HDC: variants seen among roughly 807,000 people sequenced by gnomAD.
HDC encodes histidine decarboxylase.
In HDC, 27 loss-of-function variants were observed where a neutral mutation model predicts 64.4. That is an observed-to-expected ratio of 0.42 (90% CI 0.31 to 0.58). The LOEUF (loss-of-function observed/expected upper bound fraction) is 0.58. HDC is among the 20% of genes least tolerant of loss of function. The probability of loss-of-function intolerance (pLI) is 0.16; values close to 1 mark genes in which losing one functional copy is unlikely to be tolerated. For synonymous variants in HDC, 305 were observed against 314.2 expected (o/e 0.97, Z 0.31); for missense variants, 711 against 833.9 (o/e 0.85, Z 1.81).
chr15:50,242,954 C>A lies in HDC; in HGVS notation c.1295G>T (p.Arg432Leu), dbSNP rs201154324. Residue 432 changes from arginine (R) to leucine (L), a missense_variant, in exon 12 of 12, where the codon CGT becomes CTT. Physicochemically the swap from Arg to Leu is moderately radical, Grantham distance 102. Transcript: ENST00000267845. The part of the protein sequence containing the change: ...NVLKEIAKAG[R>L]LFLIPATIQD... ...GATAGTGGCCGGGATGAGGAAGAGA[C>A]GGCCAGCTTTAGCTATTTCCTTTAA... 6.2e-7 allele frequency: 1 copy of A among 1,613,962 alleles called. No homozygotes were observed. The highest frequency in any genetic ancestry group is 1.3e-5 in the African/African-American group (1 of 75,014).
Position 50,253,450 on chromosome 15 carries a change from CCCTCATGA to C in HDC, c.787+142_787+149del, listed in dbSNP as rs1319825678. ...AATGTCCAGGGATCCCTGGAAGAGA[CCCTCATGA>C]CCTTTGGTGGTTCTTCCCATGTCTC... On this transcript the variant is annotated intron_variant, in intron 7 of 11. Coordinates refer to ENST00000267845, the MANE Select transcript of HDC (RefSeq NM_002112.4). 9.2e-6 allele frequency: 7 copies of C among 764,486 alleles called. No homozygotes were observed. The African/African-American group carries it at 1.2e-4, about 13-fold the overall frequency. 47.4% of individuals were successfully genotyped at this position (764,486 alleles called of 1,614,324 possible). A position where few individuals can be genotyped will look rare whatever the true frequency, so the allele number is the denominator to read the frequency against.
intron 2 of HDC, 68 bp from the exon 3 acceptor site, chr15:50,258,585 C>A (rs184862158): frequency 1.7e-4 from 153 of 882,224 alleles, no homozygotes; most frequent in South Asian, 3.2e-4. Flanking sequence ...TCTCCAGAGA[C>A]CATCTCTGGC....
intron 10 of HDC, among the ~76,000 whole-genome samples, chr15:50,245,958 C>T (rs2045476449): frequency 6.6e-6 from 1 of 152,186 alleles, no homozygotes; most frequent in African/African-American, 2.4e-5. Flanking sequence ...TGTCTAAGGT[C>T]ATCAAACAGT....
chr15:50,247,023 C>T (rs146725802), intron 10 of HDC, among the ~76,000 whole-genome samples: 3 of 152,174 alleles, frequency 2.0e-5, no homozygotes, highest in East Asian at 1.9e-4. Context: ...CTCACTCAAA[C>T]GTGGGAGTTA....
intron 2 of HDC, among the ~76,000 whole-genome samples, chr15:50,259,767 A>G (rs1267035053): frequency 2.6e-5 from 4 of 152,118 alleles, no homozygotes; most frequent in Non-Finnish European, 5.9e-5. Flanking sequence ...GTTTCACTCT[A>G]CTGAGGACTC....
Position 50,242,260 on chromosome 15 carries a change from C to A in HDC, c.1989G>T (p.Ter663TyrextTer40), listed in dbSNP as rs1218350666. 1 of 1,613,456 alleles carries A rather than the reference C, an allele frequency of 6.2e-7. No homozygotes were observed. Among genetic ancestry groups the A allele is most frequent in the Admixed American group, 1.7e-5 (1 of 60,024 alleles). Residue 663 changes from the stop codon to tyrosine, a stop_lost, in exon 12 of 12, where the codon TAG becomes TAT. Coordinates refer to ENST00000267845, the MANE Select transcript of HDC (RefSeq NM_002112.4). ...LPCCPLQAMV[*>Y] is the part of the protein sequence containing the mutation. Reference sequence around the variant, plus strand: ...CAGACTCTGGCTGAAGGCCCTGTGTCTAAACCATGGCCTGCAGAGGGCAAC... The same window carrying A: ...CAGACTCTGGCTGAAGGCCCTGTGTATAAACCATGGCCTGCAGAGGGCAAC...
intron 1 of HDC, among the ~76,000 whole-genome samples, chr15:50,264,920 T>C (rs1166009899): frequency 6.6e-6 from 1 of 152,168 alleles, no homozygotes; most frequent in African/African-American, 2.4e-5. Context: ...AGAAGATAAA[T>C]ATCCACAGGA....
In HDC at chr15:50,252,458, G is replaced by T; in HGVS notation, c.1013C>A (p.Ala338Asp). 2 of 1,614,140 alleles carry T rather than the reference G, an allele frequency of 1.2e-6. No homozygotes were observed. The highest frequency in any genetic ancestry group is 1.7e-6 in the Non-Finnish European group (2 of 1,180,008). The change falls in exon 9 of 12, where the codon GCC (alanine) becomes GAC (aspartate). Residue 338 changes from alanine (A) to aspartate (D), a missense_variant. By Grantham distance (126) the Ala-to-Asp change is moderately radical (BLOSUM62 -2). Coordinates refer to ENST00000267845, the MANE Select transcript of HDC (RefSeq NM_002112.4). ...FSVNPIYLRH[A>D]NSGVATDFMH... ...GAAGTCGGTGGCCACGCCTGAGTTG[G>T]CATGCCTGAGGTAGATGGGATTCAC...
At position 50,242,506 on chromosome 15, in the gene HDC, C is replaced by T. The variant is rs16963485; in HGVS notation, c.1743G>A (p.Thr581=). The change falls in exon 12 of 12, where the codon ACG becomes ACA. Residue 581 remains threonine, a synonymous_variant. Coordinates refer to ENST00000267845, the MANE Select transcript of HDC (RefSeq NM_002112.4). ...CACTGTTGCAACTGAGGGAGCGCAC[C>T]GTCTTCTTCTTAGTCTGCACAGACA... The part of the protein sequence containing the change: ...SYLSVQTKKK[T]VRSLSCNSVP... 3.6e-3 allele frequency: 5,781 copies of T among 1,614,144 alleles called. 147 individuals carry two copies. In the East Asian group the frequency reaches 0.07, roughly 19 times the overall value.
At chr15:50,260,426 C>T (rs551585549) in intron 2 of HDC, among the ~76,000 whole-genome samples, 15 of 152,234 alleles carry the variant, frequency 9.9e-5, no homozygotes, top group African/African-American at 1.4e-4. Context: ...AGTTTCTCAT[C>T]GTAAAATAAA....
At chr15:50,244,285 CTTTTTTTTTTTTTT>C (rs554623599) in intron 10 of HDC, among the ~76,000 whole-genome samples, 1 of 105,176 alleles carries the variant, frequency 9.5e-6, no homozygotes, top group Non-Finnish European at 2.0e-5. Flanking sequence ...AGCTGAACCT[CTTTTTTTTTTTTTT>C]TTTTTTTTTT....
At chr15:50,253,558 A>G (rs2045586275) in intron 7 of HDC, 42 bp downstream of exon 7, 16 of 1,554,120 alleles carry the variant, frequency 1.0e-5, no homozygotes, top group Non-Finnish European at 1.4e-5. Context: ...ACATTTAAAA[A>G]TGTATTCCTT....
chr15:50,260,505 C>A (rs2045688967), intron 2 of HDC, among the ~76,000 whole-genome samples: 1 of 152,192 alleles, frequency 6.6e-6, no homozygotes, highest in Non-Finnish European at 1.5e-5. Flanking sequence ...TAAGCTCTAA[C>A]ATTAACGGTA....
chr15:50,258,187 G>T (rs1039178203), intron 3 of HDC, among the ~76,000 whole-genome samples: 1 of 152,074 alleles, frequency 6.6e-6, no homozygotes, highest in Non-Finnish European at 1.5e-5. Flanking sequence ...CTTAAGCCTC[G>T]ATTTCTTCAC....
chr15:50,242,213 C>T lies in HDC; in HGVS notation c.*47G>A. 1 of 1,508,676 alleles carries T rather than the reference C, an allele frequency of 6.6e-7. No individual in the cohort carries two copies. The highest frequency in any genetic ancestry group is 1.7e-5 in the Admixed American group (1 of 59,884). The allele number at this position is 1,508,676 out of a possible 1,614,324, so 93.5% of individuals were successfully genotyped here. A position where few individuals can be genotyped will look rare whatever the true frequency, so the allele number is the denominator to read the frequency against. On this transcript the variant is annotated 3_prime_UTR_variant, in exon 12 of 12. Coordinates refer to ENST00000267845, the MANE Select transcript of HDC (RefSeq NM_002112.4). ...TTGGCATACAATTGTGAGGGGTTCA[C>T]AGAGTCCCTGAAGTATATCCTCAGA...
In HDC at chr15:50,254,776, C is replaced by CTGTGTG. The variant is rs1555503913; in HGVS notation, c.442-118_442-113dup. 1,658 of 826,218 alleles carry CTGTGTG rather than the reference C, an allele frequency of 2.0e-3. 32 individuals carry two copies. The African/African-American group carries it at 0.028, about 14-fold the overall frequency. 51.2% of individuals were successfully genotyped at this position (826,218 alleles called of 1,614,324 possible). On this transcript the variant is annotated intron_variant, in intron 4 of 11. Transcript: ENST00000267845. ...TCTCTCTCTCTCTCTCTCTCTCTCT[C>CTGTGTG]TGTGTGTGTATGTGTTTGTGTATGT...
At position 50,248,383 on chromosome 15, in the gene HDC, G is replaced by A. The variant is rs771526101; in HGVS notation, c.1042-40C>T. On this transcript the variant is annotated intron_variant, in intron 9 of 11. Coordinates refer to ENST00000267845, the MANE Select transcript of HDC (RefSeq NM_002112.4). The surrounding 1 kb of genome is among the most constrained non-coding windows in gnomAD (Gnocchi z 4.3). ...ACACAGTGCCCAAGGTTAGAGACAA[G>A]GGTGCCCCACTCCCTCGGGCATTTC... 1.5e-5 allele frequency: 21 copies of A among 1,444,826 alleles called. No homozygotes were observed. The highest frequency in any genetic ancestry group is 2.0e-5 in the Non-Finnish European group (21 of 1,027,476). 89.5% of individuals were successfully genotyped at this position (1,444,826 alleles called of 1,614,324 possible). A position where few individuals can be genotyped will look rare whatever the true frequency, so the allele number is the denominator to read the frequency against.
chr15:50,252,369 GACGCCT>G, intron 9 of HDC, 55 bp downstream of exon 9: 1 of 1,345,076 alleles, frequency 7.4e-7, no homozygotes, highest in South Asian at 1.2e-5. Context: ...TGGGGGGTCA[GACGCCT>G]ACAGTTCCCA....
At chr15:50,246,980 A>G (rs1451212293) in intron 10 of HDC, among the ~76,000 whole-genome samples, 4 of 152,200 alleles carry the variant, frequency 2.6e-5, no homozygotes. Flanking sequence ...TAAGCAAAAT[A>G]AGCCAGGCAC....
Sources: gnomAD v4.1 joint callset for allele counts (sites outside exome capture counted in the v4.1 genomes callset) on GRCh38, gnomAD v4.1.1 for gene constraint, Gnocchi (gnomAD v3.1) non-coding constraint, MANE v1.5 for transcripts, NCBI Gene and HGNC (gene_info 2026-07-23, HGNC 2026-07-21) for gene names.